SIDT1: variants seen among roughly 807,000 people sequenced by gnomAD.
The protein encoded by SIDT1 is SID1 transmembrane family member 1.
SIDT1 carries 101 observed loss-of-function variants against 107.5 expected under a neutral mutation model. The observed-to-expected ratio is 0.94, with a 90% CI of 0.80 to 1.11. The LOEUF (loss-of-function observed/expected upper bound fraction) is 1.11. Among genes scored for constraint, SIDT1 ranks in the 50% least tolerant of loss-of-function variants. The pLI is 0.00. For synonymous variants in SIDT1, 395 were observed against 398.2 expected, an observed-to-expected ratio of 0.99 and a Z score of 0.10; for missense variants, 1,076 against 1,058.2, an observed-to-expected ratio of 1.02 and a Z score of -0.23.
At chr3:113,601,525 A>C in intron 10 of SIDT1, 63 bp from the exon 11 acceptor site, 1 of 1,101,546 alleles carries the variant, frequency 9.1e-7, no homozygotes. Flanking sequence ...AGCTACTTAG[A>C]ATAGTGTTGT....
intron 21 of SIDT1, 46 bp downstream of exon 21, chr3:113,619,772 T>C (rs777692285): frequency 2.6e-6 from 4 of 1,535,648 alleles, no homozygotes; most frequent in Admixed American, 1.7e-5. Flanking sequence ...TTAATGTCAG[T>C]AACACTGTGG....
At chr3:113,582,565 C>T (rs756144811) in intron 6 of SIDT1, among the ~76,000 whole-genome samples, 5 of 152,112 alleles carry the variant, frequency 3.3e-5, no homozygotes, top group East Asian at 1.9e-4. Context: ...GTATTTCATC[C>T]GGGACACTAA....
At chr3:113,575,263 TGAAA>T (rs1942807969) in intron 3 of SIDT1, among the ~76,000 whole-genome samples, 1 of 152,214 alleles carries the variant, frequency 6.6e-6, no homozygotes, top group Non-Finnish European at 1.5e-5. Flanking sequence ...CCGATGGACT[TGAAA>T]GATCAGGGTG....
intron 1 of SIDT1, among the ~76,000 whole-genome samples, chr3:113,542,465 T>C (rs1161324789): frequency 2.0e-5 from 3 of 152,192 alleles, no homozygotes; most frequent in Admixed American, 2.0e-4. Flanking sequence ...TTTTTTCCTT[T>C]TCATCTTCTA....
At chr3:113,614,526 G>T (rs1277217891) in intron 19 of SIDT1, among the ~76,000 whole-genome samples, 1 of 152,204 alleles carries the variant, frequency 6.6e-6, no homozygotes, top group Non-Finnish European at 1.5e-5. Flanking sequence ...CAGGAAGTTG[G>T]ATTCATGGAC....
Position 113,584,733 on chromosome 3 carries a change from A to C in SIDT1, c.871A>C (p.Lys291Gln). 1 of 1,601,034 alleles carries C rather than the reference A, an allele frequency of 6.2e-7. No individual in the cohort carries two copies. The change falls in exon 8 of 25, where the codon AAG (lysine) becomes CAG (glutamine). Residue 291 changes from lysine (K) to glutamine (Q), a missense_variant. Transcript: ENST00000264852. ...CCAGACCTGGAATCTACAGCGAAAA[A>C]AGAACCTTGAAGTGACCATTGTCCC... is the stretch of plus-strand genomic sequence containing the variant. Reference protein sequence around the residue: ...ENQTWNLQRKKNLEVTIVPSI... With the variant: ...ENQTWNLQRKQNLEVTIVPSI...
At chr3:113,579,332 G>A (rs1157821449) in intron 4 of SIDT1, among the ~76,000 whole-genome samples, 5 of 152,132 alleles carry the variant, frequency 3.3e-5, no homozygotes, top group Admixed American at 6.5e-5. Context: ...CCAATTACTA[G>A]CATATATGGG....
chr3:113,614,565 C>G (rs549868584), intron 19 of SIDT1, among the ~76,000 whole-genome samples: 4 of 152,322 alleles, frequency 2.6e-5, no homozygotes, highest in African/African-American at 9.6e-5. Flanking sequence ...GCCTTTCTAC[C>G]CATGTCATAA....
chr3:113,635,576 A>G, the SIDT1 span, among the ~76,000 whole-genome samples: 2 of 152,224 alleles, frequency 1.3e-5, no homozygotes, highest in Non-Finnish European at 2.9e-5. Flanking sequence ...ATTTTAAAGA[A>G]AAATTTTAGG....
intron 10 of SIDT1, among the ~76,000 whole-genome samples, chr3:113,599,707 G>A (rs1230341688): frequency 6.6e-6 from 1 of 152,200 alleles, no homozygotes; most frequent in Non-Finnish European, 1.5e-5. Flanking sequence ...GAAATAAGGA[G>A]TAGAACAGTG....
At chr3:113,631,347 G>A (rs1947093530), downstream of SIDT1, among the ~76,000 whole-genome samples, 1 of 152,102 alleles carries the variant, frequency 6.6e-6, no homozygotes, top group African/African-American at 2.4e-5. Context: ...TGACAAAACA[G>A]TCTCTGAAAG....
chr3:113,532,917 T>C lies in SIDT1; in HGVS notation c.-105T>C. On this transcript the variant is annotated 5_prime_UTR_variant, in exon 1 of 25. Transcript: ENST00000264852. ...GTTCGCCAGGCATCACCCGCTCGGC[T>C]CTGAAGCGGACGCCTGGCCCTGCAC... 1.3e-6 allele frequency: 1 copy of C among 779,706 alleles called. No individual in the cohort carries two copies. The highest frequency in any genetic ancestry group is 1.8e-6 in the Non-Finnish European group (1 of 557,508). The allele number at this position is 779,706 out of a possible 1,614,324, so 48.3% of individuals were successfully genotyped here. A position where few individuals can be genotyped will look rare whatever the true frequency, so the allele number is the denominator to read the frequency against.
At position 113,603,042 on chromosome 3, in the gene SIDT1, C is replaced by G; in HGVS notation, c.1155C>G (p.Ser385=). The G allele has an allele frequency of 6.2e-7, 1 of 1,614,168 alleles. No homozygotes were observed. Among genetic ancestry groups the G allele is most frequent in the Non-Finnish European group, 8.5e-7 (1 of 1,180,018 alleles). The change falls in exon 12 of 25, where the codon TCC becomes TCG. Residue 385 remains serine (S), a synonymous_variant. Transcript: ENST00000264852. ...SSSSPGRQMS[S]SDGGPPGQSD... is the part of the protein sequence containing the mutation. ...CCAGTCCTGGAAGGCAGATGTCCTC[C>G]TCCGATGGTGGGCCACCGGGCCAGT...
intron 6 of SIDT1, among the ~76,000 whole-genome samples, chr3:113,582,300 C>G (rs1286099980): frequency 6.6e-6 from 1 of 151,972 alleles, no homozygotes; most frequent in Non-Finnish European, 1.5e-5. Flanking sequence ...CTTAAAGTAC[C>G]TGCAGCGTGA....
At chr3:113,585,055 CA>C in intron 8 of SIDT1, 121 bp from the exon 9 acceptor site, 3 of 745,424 alleles carry the variant, frequency 4.0e-6, no homozygotes. Context: ...TTGCTGTGAA[CA>C]AAAATTTATT....
At chr3:113,581,171 A>C (rs1031688360) in intron 5 of SIDT1, among the ~76,000 whole-genome samples, 190 bp from the exon 6 acceptor site, 3 of 152,168 alleles carry the variant, frequency 2.0e-5, no homozygotes, top group African/African-American at 7.2e-5. Context: ...CTTTGACTTT[A>C]GAGGACGAGG....
chr3:113,550,717 T>C (rs540180014), intron 1 of SIDT1, among the ~76,000 whole-genome samples: 1 of 152,142 alleles, frequency 6.6e-6, no homozygotes, highest in Non-Finnish European at 1.5e-5. Context: ...TTTAAAAAAA[T>C]TTTTTTAAGT....
intron 19 of SIDT1, 83 bp downstream of exon 19, chr3:113,612,277 A>G (rs1329638196): frequency 2.1e-6 from 2 of 973,224 alleles, no homozygotes; most frequent in Admixed American, 3.7e-5. Flanking sequence ...ATGCTGAATG[A>G]AAGTGTCACT....
At chr3:113,575,896 C>T (rs1317523554) in intron 3 of SIDT1, among the ~76,000 whole-genome samples, 2 of 152,176 alleles carry the variant, frequency 1.3e-5, no homozygotes, top group Non-Finnish European at 2.9e-5. Context: ...TTCAGATGCC[C>T]AGAAATGCAG....
Sources: allele counts gnomAD v4.1 joint callset (sites outside exome capture counted in the v4.1 genomes callset), GRCh38; gene constraint gnomAD v4.1.1; transcripts MANE v1.5; gene names NCBI Gene and HGNC (gene_info 2026-07-23, HGNC 2026-07-21).